NOX5: variants seen among roughly 807,000 people sequenced by gnomAD.
NOX5 encodes NADPH oxidase, EF-hand calcium binding domain 5.
Under a neutral mutation model 85.7 loss-of-function variants are expected in NOX5, and 76 were observed. The ratio of observed to expected loss-of-function variants is 0.89; its 90% CI spans 0.74 to 1.07. NOX5 has a LOEUF of 1.07. NOX5 is among the 50% of genes least tolerant of loss of function. NOX5 has a pLI of 0.00. For synonymous variants in NOX5, 405 were observed against 401.4 expected, an observed-to-expected ratio of 1.01 and a Z score of -0.11; for missense variants, 973 against 999.5, an observed-to-expected ratio of 0.97 and a Z score of 0.36.
At chr15:69,049,668 A>C (rs2050723356) in intron 14 of NOX5, among the ~76,000 whole-genome samples, 1 of 151,996 alleles carries the variant, frequency 6.6e-6, no homozygotes, top group Admixed American at 6.6e-5. Context: ...CATATCTTTT[A>C]ATTCAGAATA....
At position 69,028,470 on chromosome 15, in the gene NOX5, T is replaced by A. The variant is rs2050388084; in HGVS notation, c.325+105T>A. The A allele has an allele frequency of 1.1e-5, 13 of 1,173,174 alleles. No homozygotes were observed. The Admixed American group carries it at 1.5e-4, about 14-fold the overall frequency. 72.7% of individuals were successfully genotyped at this position (1,173,174 alleles called of 1,614,324 possible). A position where few individuals can be genotyped will look rare whatever the true frequency, so the allele number is the denominator to read the frequency against. On this transcript the variant is annotated intron_variant, in intron 3 of 15. Transcript: ENST00000388866. ...GCCTGGAGGTGCCATCCCGGCCTCC[T>A]GAGCCCAGCCTGGGACTGGTTTCTC... is the stretch of plus-strand genomic sequence containing the variant.
intron 7 of NOX5, among the ~76,000 whole-genome samples, chr15:69,036,140 G>A (rs1016849764): frequency 3.3e-5 from 5 of 152,168 alleles, no homozygotes; most frequent in Middle Eastern, 3.4e-3. Flanking sequence ...TGCTGCGGAA[G>A]AGTCTGCCTT....
intron 3 of NOX5, chr15:69,028,568 C>T (rs553714885): frequency 2.7e-5 from 11 of 401,138 alleles, no homozygotes; most frequent in African/African-American, 1.2e-4. Context: ...TCCCTGCCCC[C>T]CTTTCTGGGG....
intron 9 of NOX5, among the ~76,000 whole-genome samples, chr15:69,040,921 C>T (rs958549458): frequency 1.3e-5 from 2 of 152,166 alleles, no homozygotes; most frequent in African/African-American, 4.8e-5. Flanking sequence ...CTCCTGACCT[C>T]AGGTGATCCA....
intron 9 of NOX5, among the ~76,000 whole-genome samples, chr15:69,042,357 A>G (rs2050606031): frequency 3.9e-5 from 6 of 152,234 alleles, no homozygotes; most frequent in Admixed American, 3.9e-4. Context: ...TGGCCTGATG[A>G]AGGTGGCAGA....
At chr15:69,039,846 C>T (rs1029034175) in intron 9 of NOX5, among the ~76,000 whole-genome samples, 2 of 152,246 alleles carry the variant, frequency 1.3e-5, no homozygotes, top group African/African-American at 4.8e-5. Flanking sequence ...AGAGCTGCTA[C>T]CTGGACCTCT....
intron 3 of NOX5, chr15:69,031,277 T>C: frequency 1.8e-6 from 1 of 546,252 alleles, no homozygotes; most frequent in Admixed American, 3.3e-5. Context: ...GCAGATAGTC[T>C]TGGAAGTTGA....
At chr15:69,037,268 G>C in intron 8 of NOX5, 58 bp downstream of exon 8, 1 of 1,528,928 alleles carries the variant, frequency 6.5e-7, no homozygotes, top group Non-Finnish European at 8.9e-7. Flanking sequence ...GACAGTTTGT[G>C]GGGTGGAGCA....
At chr15:69,041,493 G>A (rs1329374556) in intron 9 of NOX5, among the ~76,000 whole-genome samples, 1 of 152,172 alleles carries the variant, frequency 6.6e-6, no homozygotes, top group Non-Finnish European at 1.5e-5. Flanking sequence ...ACAAACCCCA[G>A]GAGCATTAAT....
At chr15:69,038,600 C>A (rs2050552076) in intron 8 of NOX5, among the ~76,000 whole-genome samples, 1 of 152,302 alleles carries the variant, frequency 6.6e-6, no homozygotes, top group South Asian at 2.1e-4. Flanking sequence ...AGTGCTTACA[C>A]CCTGAGAGGC....
At chr15:69,035,967 C>T in intron 7 of NOX5, 31 bp downstream of exon 7, 3 of 1,612,518 alleles carry the variant, frequency 1.9e-6, no homozygotes, top group Non-Finnish European at 2.5e-6. Flanking sequence ...TTGCTTCCCC[C>T]AAGGCCAGGG....
At chr15:69,045,600 T>TCCCTTTCTTTC (rs1595786336) in intron 10 of NOX5, among the ~76,000 whole-genome samples, 1 of 139,810 alleles carries the variant, frequency 7.2e-6, no homozygotes, top group African/African-American at 3.0e-5. Context: ...CTTTCTTTCT[T>TCCCTTTCTTTC]TTTTTTTTCT....
Position 69,060,109 on chromosome 15 carries a change from T to C in NOX5, c.*3413T>C, listed in dbSNP as rs1437633730. On this transcript the variant is annotated 3_prime_UTR_variant, in exon 16 of 16. Coordinates refer to ENST00000388866, the MANE Select transcript of NOX5 (RefSeq NM_024505.4). ...ACCACTTTGCCAGGTGCCATTGCAC[T>C]GTTCTGTGAGGACAGCGCTGACGGA... 3 of 152,286 alleles carry C rather than the reference T, an allele frequency of 2.0e-5. No homozygotes were observed. The highest frequency in any genetic ancestry group is 7.2e-5 in the African/African-American group (3 of 41,464). 9.4% of individuals were successfully genotyped at this position (152,286 alleles called of 1,614,324 possible). A position where few individuals can be genotyped will look rare whatever the true frequency, so the allele number is the denominator to read the frequency against.
chr15:69,026,247 C>T (rs1567094460), intron 1 of NOX5, among the ~76,000 whole-genome samples: 1 of 152,198 alleles, frequency 6.6e-6, no homozygotes, highest in African/African-American at 2.4e-5. Context: ...GACCTGATCC[C>T]CACAGTGTGG....
chr15:69,055,260 A>C, intron 14 of NOX5, 74 bp from the exon 15 acceptor site: 2 of 1,484,582 alleles, frequency 1.3e-6, no homozygotes, highest in Non-Finnish European at 1.8e-6. Flanking sequence ...AGGGTAAGGT[A>C]GTGGTTGGCA....
intron 6 of NOX5, 104 bp from the exon 7 acceptor site, chr15:69,035,654 T>G: frequency 6.4e-7 from 1 of 1,558,712 alleles, no homozygotes; most frequent in Non-Finnish European, 8.7e-7. Flanking sequence ...CAAAAGTTTC[T>G]GCCCGTGCTA....
At chr15:69,040,482 G>A (rs2050579997) in intron 9 of NOX5, among the ~76,000 whole-genome samples, 1 of 152,166 alleles carries the variant, frequency 6.6e-6, no homozygotes, top group African/African-American at 2.4e-5. Flanking sequence ...TACAGGCAGT[G>A]TTTCATAGCA....
At chr15:69,055,528 G>T (rs768254364) in intron 15 of NOX5, 28 bp downstream of exon 15, 57 of 1,609,684 alleles carry the variant, frequency 3.5e-5, no homozygotes, top group Non-Finnish European at 4.6e-5. Flanking sequence ...CCTGCAGCTT[G>T]CAGGTATGGA....
chr15:69,035,280 A>C, intron 5 of NOX5, 74 bp from the exon 6 acceptor site: 2 of 1,508,364 alleles, frequency 1.3e-6, no homozygotes, highest in Non-Finnish European at 1.8e-6. Flanking sequence ...AGGAGGATGC[A>C]GGGAGGTGGC....
Sources: allele counts gnomAD v4.1 joint callset (sites outside exome capture counted in the v4.1 genomes callset), GRCh38; gene constraint gnomAD v4.1.1; transcripts MANE v1.5; gene names NCBI Gene and HGNC (gene_info 2026-07-23, HGNC 2026-07-21).